METTL15: variants seen among roughly 807,000 people sequenced by gnomAD.
METTL15 encodes the protein methyltransferase 15, mitochondrial 12S rRNA N4-cytidine.
METTL15 carries 34 observed loss-of-function variants against 38.3 expected under a neutral mutation model. The ratio of observed to expected loss-of-function variants is 0.89; its 90% confidence interval spans 0.68 to 1.18. METTL15 has a LOEUF of 1.18. Among genes scored for constraint, METTL15 ranks in the 50% most tolerant of loss-of-function variants. The pLI is 0.00. For synonymous variants in METTL15, 162 were observed against 170.9 expected (o/e 0.95, Z 0.41); for missense variants, 438 against 498.4 (o/e 0.88, Z 1.15).
At chr11:28,409,948 A>T (rs1043563345) in intron 5 of METTL15, among the ~76,000 whole-genome samples, 4 of 152,142 alleles carry the variant, frequency 2.6e-5, no homozygotes, top group African/African-American at 9.6e-5. Flanking sequence ...ACAAAGATAC[A>T]TGAGAAATAC....
intron 4 of METTL15, among the ~76,000 whole-genome samples, chr11:28,236,584 G>A (rs1347808274): frequency 6.6e-6 from 1 of 152,150 alleles, no homozygotes; most frequent in Non-Finnish European, 1.5e-5. Flanking sequence ...CATAATTGGA[G>A]CATTTAGTCC....
chr11:28,285,529 G>A (rs1025562084), intron 4 of METTL15, among the ~76,000 whole-genome samples: 1 of 152,062 alleles, frequency 6.6e-6, no homozygotes, highest in Non-Finnish European at 1.5e-5. Context: ...TAGTTAGCAT[G>A]TTTTCAATTA....
At chr11:28,308,892 G>GTAGGTAGATAGATAGATAGATAGATAGA (rs72449461) in intron 6 of METTL15, among the ~76,000 whole-genome samples, 1 of 146,896 alleles carries the variant, frequency 6.8e-6, no homozygotes, top group African/African-American at 2.5e-5. Context: ...AGGTAGGTAG[G>GTAGGTAGATAGATAGATAGATAGATAGA]TAGATAGATA....
intron 5 of METTL15, among the ~76,000 whole-genome samples, chr11:28,379,750 C>T (rs541337674): frequency 6.6e-6 from 1 of 152,142 alleles, no homozygotes; most frequent in African/African-American, 2.4e-5. Context: ...AGTTTAACTC[C>T]AATATTTCTT....
At chr11:28,418,809 G>T (rs1036928430) in intron 5 of METTL15, among the ~76,000 whole-genome samples, 2 of 152,118 alleles carry the variant, frequency 1.3e-5, no homozygotes, top group Admixed American at 1.3e-4. Flanking sequence ...CTTTGCATTG[G>T]AACTCAGTGC....
At chr11:28,246,698 G>T (rs1265490474) in intron 4 of METTL15, among the ~76,000 whole-genome samples, 2 of 152,034 alleles carry the variant, frequency 1.3e-5, no homozygotes, top group Non-Finnish European at 2.9e-5. Flanking sequence ...TTATGGGATT[G>T]GTATGGGATA....
At chr11:28,239,602 C>T (rs972654680) in intron 4 of METTL15, among the ~76,000 whole-genome samples, 3 of 152,114 alleles carry the variant, frequency 2.0e-5, no homozygotes, top group Non-Finnish European at 4.4e-5. Context: ...CATGTTTTTC[C>T]TCTGCTATGT....
At chr11:28,295,335 A>G (rs1006597829) in intron 5 of METTL15, among the ~76,000 whole-genome samples, 1 of 152,154 alleles carries the variant, frequency 6.6e-6, no homozygotes, top group African/African-American at 2.4e-5. Context: ...CAGGATTCTA[A>G]TCCAGATCAA....
chr11:28,448,720 A>G (rs1388219303), intron 6 of METTL15, among the ~76,000 whole-genome samples: 1 of 152,094 alleles, frequency 6.6e-6, no homozygotes, highest in Non-Finnish European at 1.5e-5. Flanking sequence ...CTTCTTCTGA[A>G]AGTTCCTGTG....
intron 4 of METTL15, among the ~76,000 whole-genome samples, chr11:28,240,571 A>T (rs1854249915): frequency 6.6e-6 from 1 of 152,332 alleles, no homozygotes; most frequent in East Asian, 1.9e-4. Flanking sequence ...AGATCCAGTC[A>T]TATAGCAAAT....
intron 5 of METTL15, among the ~76,000 whole-genome samples, chr11:28,293,353 A>G (rs1266356317): frequency 6.6e-6 from 1 of 152,174 alleles, no homozygotes; most frequent in Non-Finnish European, 1.5e-5. Context: ...TTTGTCAAAG[A>G]TCAGATAGTT....
At chr11:28,322,686 T>C (rs1849511307) in intron 6 of METTL15, among the ~76,000 whole-genome samples, 1 of 152,148 alleles carries the variant, frequency 6.6e-6, no homozygotes, top group South Asian at 2.1e-4. Flanking sequence ...CAGTTGCAAA[T>C]ATTTTTCCCA....
At chr11:28,338,487 G>T (rs142268578), downstream of METTL15, among the ~76,000 whole-genome samples, 1 of 151,964 alleles carries the variant, frequency 6.6e-6, no homozygotes, top group Admixed American at 6.6e-5. Flanking sequence ...TCCAAAATCA[G>T]TTTGTCTCTC....
chr11:28,508,576 G>A (rs1851648934), intron 6 of METTL15, among the ~76,000 whole-genome samples: 1 of 152,142 alleles, frequency 6.6e-6, no homozygotes, highest in South Asian at 2.1e-4. Context: ...TATCAGGCAG[G>A]AGCATATTTT....
At chr11:28,489,914 T>TA (rs576003610) in intron 6 of METTL15, among the ~76,000 whole-genome samples, 380 of 152,194 alleles carry the variant, frequency 2.5e-3, no homozygotes, top group Non-Finnish European at 3.4e-3. Flanking sequence ...GAAAGAAAAG[T>TA]AAACTTCTCT....
Position 28,332,070 on chromosome 11 carries a change from A to G in METTL15, c.*1229A>G, listed in dbSNP as rs887472293. 3 of 150,512 alleles carry G rather than the reference A, an allele frequency of 2.0e-5. No homozygotes were observed. The highest frequency in any genetic ancestry group is 4.4e-5 in the Non-Finnish European group (3 of 67,930). The allele number at this position is 150,512 out of a possible 1,614,324, so 9.3% of individuals were successfully genotyped here. On this transcript the variant is annotated 3_prime_UTR_variant, in exon 7 of 7. Coordinates refer to ENST00000407364, the MANE Select transcript of METTL15 (RefSeq NM_001113528.2). The stretch of plus-strand genomic sequence containing the variant: ...AAGTGAATGAAATATCAGCATAACT[A>G]TGTGGGCAAAATAGATAGAATTAAA...
downstream of METTL15, among the ~76,000 whole-genome samples, chr11:28,335,538 G>T (rs528437879): frequency 6.6e-6 from 1 of 152,254 alleles, no homozygotes; most frequent in South Asian, 2.1e-4. Flanking sequence ...TGCTTTATTT[G>T]ACCCCTCCAA....
At chr11:28,389,635 T>C (rs1465278242) in intron 5 of METTL15, among the ~76,000 whole-genome samples, 1 of 151,974 alleles carries the variant, frequency 6.6e-6, no homozygotes, top group Non-Finnish European at 1.5e-5. Context: ...CTATCATTGT[T>C]GGGCATTTGG....
intron 5 of METTL15, among the ~76,000 whole-genome samples, chr11:28,389,289 G>C (rs1590356916): frequency 1.3e-5 from 2 of 150,634 alleles, no homozygotes; most frequent in East Asian, 4.0e-4. Flanking sequence ...GTGCAGGTTA[G>C]TTACATATGT....
Sources: allele counts gnomAD v4.1 joint callset (sites outside exome capture counted in the v4.1 genomes callset), GRCh38; gene constraint gnomAD v4.1.1; transcripts MANE v1.5; gene names NCBI Gene and HGNC (gene_info 2026-07-23, HGNC 2026-07-21).